Variants in NUP93 observed in about 807,000 individuals in gnomAD.
NUP93 encodes the protein nucleoporin 93, also known as nuclear pore complex protein Nup93.
A neutral mutation model predicts 107.8 loss-of-function variants in NUP93; 55 were observed. The ratio of observed to expected loss-of-function variants is 0.51; its 90% CI spans 0.41 to 0.64. NUP93 has a LOEUF of 0.64. NUP93 is among the 30% of genes least tolerant of loss of function. The probability of loss-of-function intolerance (pLI) is 0.00; values close to 1 mark genes in which losing one functional copy is unlikely to be tolerated. For missense variants in NUP93, 937 were observed against 1,044.7 expected, an observed-to-expected ratio of 0.90 and a Z score of 1.42; for synonymous variants, 390 against 397.5, an observed-to-expected ratio of 0.98 and a Z score of 0.22.
chr16:56,751,802 G>T (rs144712549), intron 2 of NUP93, among the ~76,000 whole-genome samples: 1 of 152,284 alleles, frequency 6.6e-6, no homozygotes, highest in African/African-American at 2.4e-5. Context: ...CAGCTTCCAT[G>T]ACTTTCTGCT....
chr16:56,745,997 C>G (rs1380695671), intron 1 of NUP93, among the ~76,000 whole-genome samples: 1 of 151,904 alleles, frequency 6.6e-6, no homozygotes, highest in Non-Finnish European at 1.5e-5. Flanking sequence ...TTCTTTCTTC[C>G]TTTATCTTTT....
At chr16:56,772,063 T>A (rs543862388) in intron 3 of NUP93, among the ~76,000 whole-genome samples, 1 of 152,364 alleles carries the variant, frequency 6.6e-6, no homozygotes, top group East Asian at 1.9e-4. Flanking sequence ...TCACTTTTGC[T>A]TTCCTTCTGT....
At chr16:56,782,353 C>T in intron 3 of NUP93, 1 of 252,732 alleles carries the variant, frequency 4.0e-6, no homozygotes. Context: ...AAGCAGTTAA[C>T]TCATTTGATA....
At chr16:56,825,548 G>A (rs1259556797) in intron 8 of NUP93, among the ~76,000 whole-genome samples, 2 of 151,834 alleles carry the variant, frequency 1.3e-5, no homozygotes, top group African/African-American at 4.8e-5. Context: ...GAGTGTAAGT[G>A]TATGACTGCT....
At chr16:56,814,442 A>G (rs1404053487) in intron 5 of NUP93, among the ~76,000 whole-genome samples, 6 of 152,136 alleles carry the variant, frequency 3.9e-5, no homozygotes, top group Non-Finnish European at 8.8e-5. Flanking sequence ...CGCCTGCCTC[A>G]GCCTCCCAAA....
intron 5 of NUP93, among the ~76,000 whole-genome samples, chr16:56,817,186 T>G (rs1217126002): frequency 6.6e-6 from 1 of 152,160 alleles, no homozygotes; most frequent in African/African-American, 2.4e-5. Context: ...GGATAGCCCC[T>G]TCATTTGACT....
intron 3 of NUP93, among the ~76,000 whole-genome samples, chr16:56,785,564 C>T (rs1567387452): frequency 6.6e-6 from 1 of 152,182 alleles, no homozygotes; most frequent in South Asian, 2.1e-4. Context: ...ACTGCTCTGA[C>T]AGTACCATAA....
At position 56,844,982 on chromosome 16, in the gene NUP93, A is replaced by T. The variant is rs143568342; in HGVS notation, c.*373A>T. The T allele has an allele frequency of 6.8e-4, 205 of 301,604 alleles. 1 individual carries two copies. The highest frequency in any genetic ancestry group is 4.1e-3 in the African/African-American group (194 of 47,128). 18.7% of individuals were successfully genotyped at this position (301,604 alleles called of 1,614,324 possible). A position where few individuals can be genotyped will look rare whatever the true frequency, so the allele number is the denominator to read the frequency against. On this transcript the variant is annotated 3_prime_UTR_variant, in exon 22 of 22. Coordinates refer to ENST00000308159, the MANE Select transcript of NUP93 (RefSeq NM_014669.5). ...CTTTGGGAGTTACTTTTATTTAGAT[A>T]TAATATTCCATATAGCAGAGTCACG...
At chr16:56,795,630 A>ATATTTTTATTTTTATTTTTATTTT (rs5817076) in intron 3 of NUP93, among the ~76,000 whole-genome samples, 1 of 147,256 alleles carries the variant, frequency 6.8e-6, no homozygotes, top group South Asian at 2.3e-4. Context: ...TGCTGGAGGA[A>ATATTTTTATTTTTATTTTTATTTT]TATTTTTATT....
At chr16:56,779,010 C>T (rs1221613746) in intron 3 of NUP93, among the ~76,000 whole-genome samples, 2 of 152,072 alleles carry the variant, frequency 1.3e-5, no homozygotes, top group Admixed American at 1.3e-4. Context: ...CCAGCTCTCC[C>T]AGCTGTATCT....
chr16:56,771,384 C>T (rs1196748022), intron 3 of NUP93, among the ~76,000 whole-genome samples: 5 of 152,274 alleles, frequency 3.3e-5, no homozygotes, highest in East Asian at 1.9e-4. Flanking sequence ...TATACCTTGT[C>T]GTGTAGTCTT....
chr16:56,784,888 T>C (rs1962591847), intron 3 of NUP93, among the ~76,000 whole-genome samples: 1 of 152,166 alleles, frequency 6.6e-6, no homozygotes, highest in Admixed American at 6.5e-5. Flanking sequence ...TGTTGGAAAC[T>C]AGGGAGACAA....
chr16:56,840,256 G>T (rs1175145505), intron 20 of NUP93, among the ~76,000 whole-genome samples: 1 of 152,140 alleles, frequency 6.6e-6, no homozygotes, highest in African/African-American at 2.4e-5. Context: ...TTCTGACCTC[G>T]TGATCTGCCC....
intron 3 of NUP93, among the ~76,000 whole-genome samples, chr16:56,786,980 C>T (rs1427288941): frequency 6.6e-6 from 1 of 152,228 alleles, no homozygotes; most frequent in Non-Finnish European, 1.5e-5. Context: ...TTCCAGTTTT[C>T]CATACCTGTG....
rs1962296198 is a variant in NUP93 at position 56,770,319 on chromosome 16, G to C, written c.297+11664G>C. Reference sequence around the variant, plus strand: ...TGGAGAGAGCTGGCCAGGGGCTTAGGAGTGGTTGGAGAAGTCATCATTGGT... The same window carrying C: ...TGGAGAGAGCTGGCCAGGGGCTTAGCAGTGGTTGGAGAAGTCATCATTGGT... On this transcript the variant is annotated intron_variant, in intron 3 of 21. Coordinates refer to ENST00000308159, the MANE Select transcript of NUP93 (RefSeq NM_014669.5). Among the ~76,000 whole-genome samples the C allele has an allele frequency of 2.0e-5, 3 of 152,170 alleles. No homozygotes were observed. In the South Asian group the frequency reaches 6.2e-4, roughly 32 times the overall value.
intron 8 of NUP93, 82 bp downstream of exon 8, chr16:56,823,928 C>A: frequency 6.6e-7 from 1 of 1,509,190 alleles, no homozygotes; most frequent in South Asian, 1.2e-5. Context: ...TGTCCTCAGG[C>A]TAGGTGTGCT....
At chr16:56,743,204 T>C (rs1256271872) in intron 1 of NUP93, among the ~76,000 whole-genome samples, 1 of 152,234 alleles carries the variant, frequency 6.6e-6, no homozygotes, top group East Asian at 1.9e-4. Context: ...TGAACTGAAA[T>C]TATTTTGTGC....
In NUP93 at chr16:56,844,965, GTTACTTTTATT is replaced by G; in HGVS notation, c.*358_*368del. On this transcript the variant is annotated 3_prime_UTR_variant, in exon 22 of 22. Coordinates refer to ENST00000308159, the MANE Select transcript of NUP93 (RefSeq NM_014669.5). ...GAGCCAGGAAACAAAGCCTTTGGGA[GTTACTTTTATT>G]TAGATATAATATTCCATATAGCAGA... 1 of 332,696 alleles carries G rather than the reference GTTACTTTTATT, an allele frequency of 3.0e-6. No individual in the cohort carries two copies. Among genetic ancestry groups the G allele is most frequent in the Non-Finnish European group, 5.4e-6 (1 of 185,956 alleles). The allele number at this position is 332,696 out of a possible 1,614,324, so 20.6% of individuals were successfully genotyped here.
chr16:56,757,507 CCACCACTA>C (rs1962047301), intron 2 of NUP93, among the ~76,000 whole-genome samples: 2 of 152,160 alleles, frequency 1.3e-5, no homozygotes, highest in Non-Finnish European at 2.9e-5. Context: ...CGACCCCACC[CCACCACTA>C]CACTACGAGT....
Sources: allele counts gnomAD v4.1 joint callset (sites outside exome capture counted in the v4.1 genomes callset), GRCh38; gene constraint gnomAD v4.1.1; transcripts MANE v1.5; gene names NCBI Gene and HGNC (gene_info 2026-07-23, HGNC 2026-07-21).